WAC: variants seen among roughly 807,000 people sequenced by gnomAD.
WAC encodes WW domain-containing adapter protein with coiled-coil.
A neutral mutation model predicts 79.6 loss-of-function variants in WAC; 11 were observed. That is an observed-to-expected ratio of 0.14 (90% CI 0.09 to 0.23). The LOEUF (loss-of-function observed/expected upper bound fraction) is 0.23. WAC is among the 10% of genes least tolerant of loss of function. The pLI is 1.00. For missense variants in WAC, 728 were observed against 773.5 expected, an observed-to-expected ratio of 0.94 and a Z score of 0.70; for synonymous variants, 304 against 276.9, an observed-to-expected ratio of 1.10 and a Z score of -0.97.
At chr10:28,534,763 A>C (rs1836532185) in intron 2 of WAC, among the ~76,000 whole-genome samples, 1 of 152,248 alleles carries the variant, frequency 6.6e-6, no homozygotes, top group Non-Finnish European at 1.5e-5. Context: ...AAAGGACTAG[A>C]GAGCAGGTTT....
chr10:28,589,342 T>C (rs1839978484), intron 4 of WAC: 1 of 157,248 alleles, frequency 6.4e-6, no homozygotes, highest in Non-Finnish European at 1.4e-5. Context: ...ATAATTAGTA[T>C]TGTGCCTTAG....
chr10:28,578,041 G>T (rs1280569995), intron 3 of WAC, among the ~76,000 whole-genome samples: 1 of 152,086 alleles, frequency 6.6e-6, no homozygotes, highest in Non-Finnish European at 1.5e-5. Context: ...TATCTGTAGT[G>T]CCAGCTACTT....
intron 7 of WAC, among the ~76,000 whole-genome samples, chr10:28,602,446 A>G (rs372446071): frequency 1.3e-5 from 2 of 152,162 alleles, no homozygotes; most frequent in African/African-American, 4.8e-5. Context: ...GTTTTTTCCT[A>G]CTACACTTAC....
chr10:28,549,909 A>C (rs1026032827), intron 3 of WAC, among the ~76,000 whole-genome samples: 1 of 152,090 alleles, frequency 6.6e-6, no homozygotes, highest in African/African-American at 2.4e-5. Flanking sequence ...TCACACCTGT[A>C]CTCCCAGCAG....
chr10:28,615,968 T>C (rs1245646041), intron 11 of WAC: 2 of 449,702 alleles, frequency 4.4e-6, no homozygotes, highest in Admixed American at 7.7e-5. Context: ...GACAGTAGTG[T>C]TAAAAGGGTT....
At chr10:28,565,269 A>G (rs1838538838) in intron 3 of WAC, among the ~76,000 whole-genome samples, 1 of 152,218 alleles carries the variant, frequency 6.6e-6, no homozygotes, top group African/African-American at 2.4e-5. Context: ...CTCTTATAAC[A>G]TTCATGTACA....
At chr10:28,570,639 C>G (rs1838898818) in intron 3 of WAC, among the ~76,000 whole-genome samples, 1 of 152,120 alleles carries the variant, frequency 6.6e-6, no homozygotes, top group African/African-American at 2.4e-5. Flanking sequence ...TGAAATTATT[C>G]CAGTGGCATG....
intron 3 of WAC, among the ~76,000 whole-genome samples, chr10:28,564,505 G>A (rs1167411875): frequency 6.6e-6 from 1 of 152,160 alleles, no homozygotes; most frequent in Non-Finnish European, 1.5e-5. Flanking sequence ...CTGAGGAGCA[G>A]TGACAAAAGA....
intron 6 of WAC, 57 bp from the exon 7 acceptor site, chr10:28,595,675 CT>C (rs1399743567): frequency 2.6e-6 from 4 of 1,518,242 alleles, no homozygotes; most frequent in Non-Finnish European, 3.6e-6. Flanking sequence ...CTAATGTAAT[CT>C]TTTTTCTTCC....
intron 3 of WAC, among the ~76,000 whole-genome samples, chr10:28,576,287 C>T (rs1031699219): frequency 1.3e-5 from 2 of 151,730 alleles, no homozygotes; most frequent in South Asian, 2.1e-4. Context: ...AATATGTAGC[C>T]ATATATATAT....
At chr10:28,540,039 A>G (rs1030097593) in intron 3 of WAC, among the ~76,000 whole-genome samples, 3 of 152,178 alleles carry the variant, frequency 2.0e-5, no homozygotes, top group Admixed American at 6.5e-5. Context: ...TTTCACATTG[A>G]ATAATAGACT....
At chr10:28,619,011 G>T (rs1841591590) in intron 13 of WAC, among the ~76,000 whole-genome samples, 1 of 152,246 alleles carries the variant, frequency 6.6e-6, no homozygotes, top group African/African-American at 2.4e-5. Flanking sequence ...GGGCGCGGTG[G>T]CTAACGCCTG....
intron 3 of WAC, among the ~76,000 whole-genome samples, chr10:28,540,686 T>C (rs1224200192): frequency 1.3e-5 from 2 of 152,236 alleles, no homozygotes; most frequent in African/African-American, 4.8e-5. Flanking sequence ...TGATGTTAAG[T>C]ATTTTTTGTC....
At chr10:28,585,244 G>C (rs981292612) in intron 4 of WAC, among the ~76,000 whole-genome samples, 2 of 152,096 alleles carry the variant, frequency 1.3e-5, no homozygotes, top group East Asian at 1.9e-4. Context: ...CATAGAGGAG[G>C]AGCCCCACAG....
In WAC at chr10:28,611,778, G is replaced by A. The variant is rs1841252590; in HGVS notation, c.1293G>A (p.Gln431=). ...SQAAQLSTQA[Q]PSNQSPMSLT... ...AATTGCTTCCCTCTTTTACAGCCCA[G>A]CCATCTAATCAGTCTCCGATGTCTT... The change falls in exon 10 of 14, where the codon CAG becomes CAA. Residue 431 remains glutamine (Q), a synonymous_variant. Transcript: ENST00000354911. 6.2e-7 allele frequency: 1 copy of A among 1,610,288 alleles called. No individual in the cohort carries two copies. Among genetic ancestry groups the A allele is most frequent in the Non-Finnish European group, 8.5e-7 (1 of 1,179,146 alleles).
chr10:28,579,351 C>T (rs1400432107), intron 3 of WAC, among the ~76,000 whole-genome samples: 1 of 151,752 alleles, frequency 6.6e-6, no homozygotes, highest in Non-Finnish European at 1.5e-5. Context: ...TAAAAAGTAC[C>T]CTTTATGCAC....
intron 3 of WAC, among the ~76,000 whole-genome samples, chr10:28,554,656 C>G (rs1039529855): frequency 2.0e-5 from 3 of 152,186 alleles, no homozygotes; most frequent in Non-Finnish European, 2.9e-5. Context: ...CAGTCAGAAT[C>G]ACCTTTTAAG....
chr10:28,587,001 C>G (rs1418777095), intron 4 of WAC, among the ~76,000 whole-genome samples: 1 of 151,886 alleles, frequency 6.6e-6, no homozygotes, highest in African/African-American at 2.4e-5. Flanking sequence ...GTGCTTCCCA[C>G]CTGTAGTCCT....
intron 3 of WAC, among the ~76,000 whole-genome samples, chr10:28,570,569 T>G (rs778423551): frequency 2.0e-5 from 3 of 152,222 alleles, no homozygotes; most frequent in Non-Finnish European, 4.4e-5. Flanking sequence ...TATTGGACTT[T>G]CATTCATGCA....
Sources: allele counts gnomAD v4.1 joint callset (sites outside exome capture counted in the v4.1 genomes callset), GRCh38; gene constraint gnomAD v4.1.1; transcripts MANE v1.5; gene names NCBI Gene and HGNC (gene_info 2026-07-23, HGNC 2026-07-21).